Variants in RASAL2 observed in about 807,000 individuals in gnomAD.
RASAL2 encodes ras GTPase-activating protein nGAP.
Under a neutral mutation model 128.9 loss-of-function variants are expected in RASAL2, and 58 were observed. The observed-to-expected ratio is 0.45, with a 90% CI of 0.36 to 0.56. The LOEUF (loss-of-function observed/expected upper bound fraction) is 0.56. RASAL2 is among the 20% of genes least tolerant of loss of function. The pLI is 0.00. For synonymous variants in RASAL2, 561 were observed against 580.8 expected (o/e 0.97, Z 0.49); for missense variants, 1,360 against 1,601.6 (o/e 0.85, Z 2.57).
intron 1 of RASAL2, among the ~76,000 whole-genome samples, chr1:178,111,537 GT>G (rs142932156): frequency 0.028 from 4,301 of 152,160 alleles, 80 homozygotes; most frequent in East Asian, 0.088. Flanking sequence ...CCATTTCCAT[GT>G]TTTCCTACCA....
chr1:178,431,871 G>A (rs1199113285), intron 5 of RASAL2, among the ~76,000 whole-genome samples: 1 of 148,414 alleles, frequency 6.7e-6, no homozygotes, highest in East Asian at 2.0e-4. Flanking sequence ...AATAAATTAT[G>A]TATATTATGT....
At chr1:178,127,109 G>A (rs1052789337) in intron 1 of RASAL2, among the ~76,000 whole-genome samples, 4 of 152,172 alleles carry the variant, frequency 2.6e-5, no homozygotes, top group Non-Finnish European at 5.9e-5. Context: ...GACTCAACCT[G>A]TAATGATTAA....
chr1:178,354,137 A>G (rs979591827), intron 3 of RASAL2, among the ~76,000 whole-genome samples: 2 of 152,058 alleles, frequency 1.3e-5, no homozygotes, highest in African/African-American at 4.8e-5. Context: ...TAAAAAAAAT[A>G]TTAGCAAATG....
At chr1:178,235,117 G>C (rs2102032991) in intron 1 of RASAL2, among the ~76,000 whole-genome samples, 1 of 152,096 alleles carries the variant, frequency 6.6e-6, no homozygotes, top group South Asian at 2.1e-4. Flanking sequence ...TGAAAGACTT[G>C]GTTGTTTCAG....
At chr1:178,428,490 A>G (rs1288717166) in intron 5 of RASAL2, among the ~76,000 whole-genome samples, 12 of 128,010 alleles carry the variant, frequency 9.4e-5, no homozygotes, top group Admixed American at 3.2e-4. Context: ...ATATAAGTCT[A>G]TGATCCATTT....
chr1:178,452,525 C>T lies in RASAL2; in HGVS notation c.1882C>T (p.Arg628Cys), dbSNP rs781059262. The T allele has an allele frequency of 2.5e-6, 4 of 1,614,006 alleles. No homozygotes were observed. Among genetic ancestry groups the T allele is most frequent in the Non-Finnish European group, 3.4e-6 (4 of 1,179,918 alleles). Residue 628 changes from arginine (R) to cysteine (C), a missense_variant, in exon 11 of 18, where the codon CGT becomes TGT. By Grantham distance (180) the Arg-to-Cys change is radical. Around this residue, in one of 3 missense-constraint regions of RASAL2, gnomAD observed 741 missense variants for 868.6 expected, o/e 0.85. Transcript: ENST00000367649. ...GCTCATCAGTGCCTCATTATTTCTC[C>T]GTTTTCTGTGTCCAGCCATTATGTC... ...ERLISASLFLRFLCPAIMSPS... is the reference protein window; with the variant it reads ...ERLISASLFLCFLCPAIMSPS...
chr1:178,407,313 GTCT>G (rs1376317248), intron 4 of RASAL2, among the ~76,000 whole-genome samples: 1 of 152,128 alleles, frequency 6.6e-6, no homozygotes, highest in Non-Finnish European at 1.5e-5. Flanking sequence ...TTTTCAGTTA[GTCT>G]TCTCCTTTTT....
chr1:178,211,519 C>T (rs966414130), intron 1 of RASAL2, among the ~76,000 whole-genome samples: 23 of 152,172 alleles, frequency 1.5e-4, no homozygotes, highest in African/African-American at 5.5e-4. Context: ...TCTGCCTCTA[C>T]AGTGTTGTCT....
intron 5 of RASAL2, among the ~76,000 whole-genome samples, chr1:178,426,745 A>G (rs1000457062): frequency 6.6e-6 from 1 of 152,098 alleles, no homozygotes; most frequent in Non-Finnish European, 1.5e-5. Context: ...GAAAATTCTG[A>G]GCGGAAATTA....
At chr1:178,308,539 C>CTTTTT (rs576125039) in intron 3 of RASAL2, among the ~76,000 whole-genome samples, 2 of 130,020 alleles carry the variant, frequency 1.5e-5, no homozygotes, top group Non-Finnish European at 3.3e-5. Flanking sequence ...CAAACATTAG[C>CTTTTT]TTTTTTTTTT....
chr1:178,472,658 T>G (rs1017818678), intron 17 of RASAL2, among the ~76,000 whole-genome samples: 3 of 152,228 alleles, frequency 2.0e-5, no homozygotes, highest in African/African-American at 2.4e-5. Flanking sequence ...GATCACATGC[T>G]CTTCTCCTCT....
intron 3 of RASAL2, among the ~76,000 whole-genome samples, chr1:178,343,652 A>G (rs1669994984): frequency 6.6e-6 from 1 of 152,200 alleles, no homozygotes; most frequent in South Asian, 2.1e-4. Flanking sequence ...CCTAAGTTAA[A>G]AGAAACTATT....
intron 1 of RASAL2, among the ~76,000 whole-genome samples, chr1:178,265,270 T>G (rs1212847664): frequency 1.3e-5 from 2 of 152,160 alleles, no homozygotes; most frequent in Non-Finnish European, 2.9e-5. Context: ...GTTTTTTGGT[T>G]TTTGTTGAGA....
intron 1 of RASAL2, among the ~76,000 whole-genome samples, chr1:178,245,649 A>G (rs1010440945): frequency 2.6e-5 from 4 of 152,152 alleles, no homozygotes; most frequent in East Asian, 1.9e-4. Context: ...GTCTTTGCCT[A>G]TGTCCTGAAT....
intron 1 of RASAL2, among the ~76,000 whole-genome samples, chr1:178,242,387 A>G (rs1029402737): frequency 4.0e-5 from 6 of 150,518 alleles, no homozygotes; most frequent in Non-Finnish European, 8.9e-5. Context: ...GCCATTCTTT[A>G]TGCATAGGTC....
intron 17 of RASAL2, among the ~76,000 whole-genome samples, chr1:178,470,946 A>C (rs1648206496): frequency 6.6e-6 from 1 of 151,986 alleles, no homozygotes; most frequent in African/African-American, 2.4e-5. Flanking sequence ...ATTTTTTTTA[A>C]CTTTTTTGTT....
intron 3 of RASAL2, among the ~76,000 whole-genome samples, chr1:178,352,033 T>C (rs1670539180): frequency 6.6e-6 from 1 of 152,202 alleles, no homozygotes; most frequent in Admixed American, 6.5e-5. Flanking sequence ...ATCTGAATCA[T>C]CAGAATTGTC....
At chr1:178,338,080 T>C (rs1288080275) in intron 3 of RASAL2, among the ~76,000 whole-genome samples, 1 of 151,862 alleles carries the variant, frequency 6.6e-6, no homozygotes, top group Non-Finnish European at 1.5e-5. Context: ...TGCTCACTGA[T>C]TTTCAAAAAG....
intron 1 of RASAL2, among the ~76,000 whole-genome samples, chr1:178,260,562 C>T (rs1292068442): frequency 1.3e-5 from 2 of 149,902 alleles, no homozygotes; most frequent in Non-Finnish European, 3.0e-5. Context: ...ATCGTTCATA[C>T]AAAGTTTTTA....
Sources: gnomAD v4.1 joint callset for allele counts (sites outside exome capture counted in the v4.1 genomes callset) on GRCh38, gnomAD v4.1.1 for gene constraint, gnomAD v4.1.1 regional missense constraint, MANE v1.5 for transcripts, NCBI Gene and HGNC (gene_info 2026-07-23, HGNC 2026-07-21) for gene names.